The following RRP12 variants were observed in gnomAD, a reference collection of about 807,000 sequenced individuals.
RRP12 encodes the protein RRP12-like protein.
A neutral mutation model predicts 157.3 loss-of-function variants in RRP12; 78 were observed. The ratio of observed to expected loss-of-function variants is 0.50; its 90% CI spans 0.41 to 0.60. The LOEUF (loss-of-function observed/expected upper bound fraction) is 0.60. Ranked by LOEUF, RRP12 falls within the 20% of genes least tolerant of loss-of-function variation. The pLI, the probability that RRP12 is intolerant of heterozygous loss-of-function variation, is 0.00. For synonymous variants in RRP12, 726 were observed against 670.9 expected, an observed-to-expected ratio of 1.08 and a Z score of -1.27; for missense variants, 1,521 against 1,679.9, an observed-to-expected ratio of 0.91 and a Z score of 1.65.
chr10:97,386,263 A>ATT (rs60314380), intron 8 of RRP12, among the ~76,000 whole-genome samples: 54 of 138,958 alleles, frequency 3.9e-4, no homozygotes, highest in African/African-American at 1.3e-3. Flanking sequence ...TTACAGCTGT[A>ATT]TTTTTTTTTT....
At chr10:97,392,901 G>C (rs1194940193) in intron 4 of RRP12, among the ~76,000 whole-genome samples, 2 of 151,942 alleles carry the variant, frequency 1.3e-5, no homozygotes, top group Non-Finnish European at 2.9e-5. Context: ...ATGTTGGCCA[G>C]TTTGGTCTCG....
chr10:97,395,444 C>G (rs1844932397), intron 3 of RRP12, among the ~76,000 whole-genome samples: 1 of 151,638 alleles, frequency 6.6e-6, no homozygotes, highest in Admixed American at 6.6e-5. Context: ...CCCAGGTACT[C>G]AGGAGGCTGA....
At chr10:97,364,456 C>T (rs1328157816) in intron 29 of RRP12, among the ~76,000 whole-genome samples, 2 of 152,210 alleles carry the variant, frequency 1.3e-5, no homozygotes, top group Non-Finnish European at 2.9e-5. Context: ...TGGTGGCTCA[C>T]ACCTGTAATC....
In RRP12 at chr10:97,384,364, C is replaced by T. The variant is rs145054166; in HGVS notation, c.1208+802G>A. Among the ~76,000 whole-genome samples the T allele has an allele frequency of 1.1e-3, 164 of 149,302 alleles. 1 individual carries two copies. Among genetic ancestry groups the T allele is most frequent in the African/African-American group, 3.9e-3 (156 of 40,314 alleles). On this transcript the variant is annotated intron_variant, in intron 10 of 33. Transcript: ENST00000370992. ...GCAGCCTGGAGGGAGGCCCTGAGGA[C>T]CCCCCACCTTGGCAGCCTGGACAAG...
At chr10:97,393,581 A>AGTAT in intron 4 of RRP12, 103 bp downstream of exon 4, 2 of 925,104 alleles carry the variant, frequency 2.2e-6, no homozygotes, top group Non-Finnish European at 3.5e-6. Flanking sequence ...ATGAAGAGCA[A>AGTAT]GTATCTTTTT....
chr10:97,397,408 C>T (rs948584802), intron 2 of RRP12, among the ~76,000 whole-genome samples: 1 of 151,974 alleles, frequency 6.6e-6, no homozygotes, highest in Admixed American at 6.6e-5. Context: ...GTGATCTGCC[C>T]GCCTCGGCCT....
chr10:97,372,099 A>G lies in RRP12; in HGVS notation c.2317T>C (p.Tyr773His). 1 of 1,613,594 alleles carries G rather than the reference A, an allele frequency of 6.2e-7. No homozygotes were observed. Among genetic ancestry groups the G allele is most frequent in the Non-Finnish European group, 8.5e-7 (1 of 1,179,780 alleles). ...TCTAGGTAGGGCCGGATGGTGGAGT[A>G]TAGCTTACTGATGGCAGCTTCGTCA... The part of the protein sequence containing the change: ...CADEAAISKL[Y>H]STIRPYLESK... The change falls in exon 20 of 34, where the codon TAC (tyrosine) becomes CAC (histidine). Residue 773 changes from tyrosine (Y) to histidine (H), a missense_variant. Tyr to His is a moderately conservative substitution (Grantham distance 83, BLOSUM62 2). Transcript: ENST00000370992.
Position 97,366,575 on chromosome 10 carries a change from C to G in RRP12, c.3262G>C (p.Glu1088Gln). The change falls in exon 28 of 34, where the codon GAG (glutamate) becomes CAG (glutamine). Residue 1088 changes from glutamate (E) to glutamine (Q), a missense_variant. By Grantham distance (29) the Glu-to-Gln change is conservative (BLOSUM62 2). Coordinates refer to ENST00000370992, the MANE Select transcript of RRP12 (RefSeq NM_015179.4). ...TCCTTGCCTCGGCTTCTTTCCTCCT[C>G]CTCATTGTCCTCCTCGTCCTCTGAG... ...ADSEDEEDNE[E>Q]EERSRGKEQR... 6.2e-7 allele frequency: 1 copy of G among 1,614,114 alleles called. No homozygotes were observed. Among genetic ancestry groups the G allele is most frequent in the Middle Eastern group, 1.6e-4 (1 of 6,062 alleles).
At chr10:97,388,659 T>A (rs368509901) in intron 6 of RRP12, 35 bp from the exon 7 acceptor site, 1 of 1,606,542 alleles carries the variant, frequency 6.2e-7, no homozygotes, top group Non-Finnish European at 8.5e-7. Flanking sequence ...CAAGGCCAGA[T>A]CAGCGTTCCA....
rs1564761476 is a variant in RRP12, at chr10:97,381,710, A to G, written c.1320+5T>C. ...TCTCTGCTTCCTCAGCTAAAGTTGCAGTACCTTGAGGCTCTGCGTAGCAGC... is the reference window on the plus strand; with the variant it reads ...TCTCTGCTTCCTCAGCTAAAGTTGCGGTACCTTGAGGCTCTGCGTAGCAGC... On this transcript the variant is annotated splice_donor_5th_base_variant and intron_variant, in intron 11 of 33. Transcript: ENST00000370992. The G allele has an allele frequency of 6.2e-7, 1 of 1,608,796 alleles. No homozygotes were observed. Among genetic ancestry groups the G allele is most frequent in the Non-Finnish European group, 8.5e-7 (1 of 1,175,148 alleles).
In RRP12 at chr10:97,388,391, A is replaced by G. The variant is rs779514601; in HGVS notation, c.890-12T>C. 8 of 1,613,608 alleles carry G rather than the reference A, an allele frequency of 5.0e-6. No individual in the cohort carries two copies. Among genetic ancestry groups the G allele is most frequent in the Non-Finnish European group, 6.8e-6 (8 of 1,179,782 alleles). On this transcript the variant is annotated splice_polypyrimidine_tract_variant and intron_variant, in intron 7 of 33. Transcript: ENST00000370992. Reference sequence around the variant, plus strand: ...GGCCTCCTTGGAGCCTGGTATACAGAAGAGGAATTGAGACACCAGCCCCGC... The same window carrying G: ...GGCCTCCTTGGAGCCTGGTATACAGGAGAGGAATTGAGACACCAGCCCCGC...
chr10:97,363,974 C>T (rs909165863), intron 29 of RRP12, 71 bp from the exon 30 acceptor site: 3 of 1,430,402 alleles, frequency 2.1e-6, no homozygotes, highest in Non-Finnish European at 3.0e-6. Context: ...CTTCTGCCCC[C>T]TCCTGGCTCA....
rs146711418 is a variant in RRP12, at chr10:97,370,140, C to G, written c.2797+27G>C. The G allele has an allele frequency of 4.1e-4, 614 of 1,484,076 alleles. 5 individuals carry two copies. The African/African-American group carries it at 7.4e-3, about 18-fold the overall frequency. 91.9% of individuals were successfully genotyped at this position (1,484,076 alleles called of 1,614,324 possible). ...GCATCTTCCTAATCTGAGGGCTTCT[C>G]AGGCCTTCTAGGAAATAAGCATTTA... On this transcript the variant is annotated intron_variant, in intron 24 of 33. Coordinates refer to ENST00000370992, the MANE Select transcript of RRP12 (RefSeq NM_015179.4).
Position 97,400,319 on chromosome 10 carries a change from C to T in RRP12, c.355G>A (p.Ala119Thr). 1 of 1,613,998 alleles carries T rather than the reference C, an allele frequency of 6.2e-7. No homozygotes were observed. The highest frequency in any genetic ancestry group is 8.5e-7 in the Non-Finnish European group (1 of 1,179,948). ...CTCGCCCCTACCTCCTTGTGGGCAG[C>T]CGAGTTGGACTCCCAGAAGCGCTGT... ...KVQRFWESNS[A>T]AHKEICAVLA... is the part of the protein sequence containing the mutation. Residue 119 changes from alanine to threonine, a missense_variant, in exon 2 of 34, where the codon GCT becomes ACT. By Grantham distance (58) the Ala-to-Thr change is moderately conservative. Transcript: ENST00000370992.
intron 4 of RRP12, among the ~76,000 whole-genome samples, chr10:97,392,375 A>T (rs1298967482): frequency 6.6e-6 from 1 of 151,890 alleles, no homozygotes; most frequent in African/African-American, 2.4e-5. Flanking sequence ...ATTGAGATGG[A>T]GTCTCACTCT....
At position 97,401,291 on chromosome 10, in the gene RRP12, A is replaced by C; in HGVS notation, c.-60T>G. 2 of 1,605,406 alleles carry C rather than the reference A, an allele frequency of 1.2e-6. No individual in the cohort carries two copies. The highest frequency in any genetic ancestry group is 2.2e-5 in the East Asian group (1 of 44,766). On this transcript the variant is annotated 5_prime_UTR_variant, in exon 1 of 34. Transcript: ENST00000370992. ...GACCGGCTTCCAGGGACGTAGAAAC[A>C]CGCTCAGAACCCACGTGGATACCCT...
In RRP12 at chr10:97,390,577, C is replaced by CG. The variant is rs778922143; in HGVS notation, c.637-39dup. The CG allele has an allele frequency of 2.7e-4, 419 of 1,534,352 alleles. 1 individual carries two copies. The highest frequency in any genetic ancestry group is 3.5e-4 in the Non-Finnish European group (388 of 1,110,990). ...CAGAGTCCCTCAGTGCCACCAGCCT[C>CG]GGCCAGGAGGGAAAAGAGCCCAGGT... On this transcript the variant is annotated intron_variant, in intron 5 of 33. Transcript: ENST00000370992.
At chr10:97,386,890 T>G (rs1407096678) in intron 8 of RRP12, among the ~76,000 whole-genome samples, 1 of 151,948 alleles carries the variant, frequency 6.6e-6, no homozygotes, top group African/African-American at 2.4e-5. Flanking sequence ...CTCGGGAGGC[T>G]GAGGCAGGAG....
rs58136206 is a variant in RRP12, at chr10:97,398,353, C to CT, written c.369+1951dup. On this transcript the variant is annotated intron_variant, in intron 2 of 33. Coordinates refer to ENST00000370992, the MANE Select transcript of RRP12 (RefSeq NM_015179.4). Reference sequence around the variant, plus strand: ...ACAGGCGTGAGCCACCGCGCCCGGCCTTTTTTTTTTTTTTTTTTGAGACAG... The same window carrying CT: ...ACAGGCGTGAGCCACCGCGCCCGGCCTTTTTTTTTTTTTTTTTTTGAGACAG... Among the ~76,000 whole-genome samples the CT allele has an allele frequency of 4.9e-3, 282 of 57,502 alleles. 32 individuals are homozygous for CT. The highest frequency in any genetic ancestry group is 5.7e-3 in the Non-Finnish European group (180 of 31,560). The allele number at this position is 57,502 out of a possible 152,430, so 37.7% of individuals were successfully genotyped here.
Sources: allele counts gnomAD v4.1 joint callset (sites outside exome capture counted in the v4.1 genomes callset), GRCh38; gene constraint gnomAD v4.1.1; transcripts MANE v1.5; gene names NCBI Gene and HGNC (gene_info 2026-07-23, HGNC 2026-07-21).